Variants in CACNA2D3 observed in about 807,000 individuals in gnomAD.
The protein encoded by CACNA2D3 is calcium voltage-gated channel auxiliary subunit alpha2delta 3.
In CACNA2D3, 60 loss-of-function variants were observed where a neutral mutation model predicts 160.6. The observed-to-expected ratio is 0.37, with a 90% confidence interval of 0.30 to 0.46. The LOEUF is 0.46. CACNA2D3 is among the 20% of genes least tolerant of loss of function. CACNA2D3 has a pLI of 1.00. For synonymous variants in CACNA2D3, 558 were observed against 492.9 expected, an observed-to-expected ratio of 1.13 and a Z score of -1.75; for missense variants, 1,205 against 1,365.0, an observed-to-expected ratio of 0.88 and a Z score of 1.85.
chr3:54,215,090 A>G (rs1701437159), intron 2 of CACNA2D3, among the ~76,000 whole-genome samples: 1 of 152,198 alleles, frequency 6.6e-6, no homozygotes, highest in African/African-American at 2.4e-5. Flanking sequence ...AGTTGATGTC[A>G]GCTCCTCAGG....
chr3:54,454,137 T>C (rs1305240966), intron 4 of CACNA2D3, among the ~76,000 whole-genome samples: 1 of 152,206 alleles, frequency 6.6e-6, no homozygotes, highest in Non-Finnish European at 1.5e-5. Context: ...CAAGTAATTA[T>C]ATGTGGTAGC....
chr3:54,758,299 T>A (rs1702013180), intron 12 of CACNA2D3, among the ~76,000 whole-genome samples: 1 of 152,140 alleles, frequency 6.6e-6, no homozygotes, highest in Admixed American at 6.5e-5. Flanking sequence ...AACATGGAGT[T>A]AGAAATTAAA....
At chr3:54,886,194 C>T (rs79484052) in intron 23 of CACNA2D3, among the ~76,000 whole-genome samples, 2,739 of 85,786 alleles carry the variant, frequency 0.032, 85 homozygotes, top group African/African-American at 0.12. Flanking sequence ...GCCACTAAAA[C>T]TGATCATGAT....
intron 29 of CACNA2D3, among the ~76,000 whole-genome samples, chr3:54,970,702 T>G (rs2107073547): frequency 6.8e-6 from 1 of 147,822 alleles, no homozygotes; most frequent in Admixed American, 6.9e-5. Flanking sequence ...AAGAAGAAAC[T>G]ATGCCACTAC....
At position 54,440,447 on chromosome 3, in the gene CACNA2D3, AG is replaced by A. The variant is rs140723552; in HGVS notation, c.381+53676del. ...CCCTTTCTGAATTGCAGACTTTTCAAGGGTAGGAATGGTGTCTTCTATTTCT... is the reference window on the plus strand; with the variant it reads ...CCCTTTCTGAATTGCAGACTTTTCAAGGTAGGAATGGTGTCTTCTATTTCT... On this transcript the variant is annotated intron_variant, in intron 4 of 37. Coordinates refer to ENST00000474759, the MANE Select transcript of CACNA2D3 (RefSeq NM_018398.3). Among the ~76,000 whole-genome samples the A allele has an allele frequency of 6.7e-3, 1,019 of 152,208 alleles. 13 individuals carry two copies. The highest frequency in any genetic ancestry group is 0.023 in the African/African-American group (974 of 41,520).
intron 11 of CACNA2D3, among the ~76,000 whole-genome samples, chr3:54,673,033 CA>C (rs1431558112): frequency 2.0e-5 from 3 of 152,122 alleles, no homozygotes; most frequent in Non-Finnish European, 2.9e-5. Flanking sequence ...CTGTGTTTTA[CA>C]AGATTCTGAG....
At position 54,350,968 on chromosome 3, in the gene CACNA2D3, GTTTTTTTTTTTTTGTTTGT is replaced by G. The variant is rs1302322463; in HGVS notation, c.321+30424_321+30442del. 8.2e-4 allele frequency among the ~76,000 whole-genome samples: 46 copies of G among 56,134 alleles called. 2 individuals are homozygous for G. Among genetic ancestry groups the G allele is most frequent in the Middle Eastern group, 0.016 (1 of 64 alleles). 36.8% of individuals were successfully genotyped at this position (56,134 alleles called of 152,430 possible). On this transcript the variant is annotated intron_variant, in intron 3 of 37. Coordinates refer to ENST00000474759, the MANE Select transcript of CACNA2D3 (RefSeq NM_018398.3). ...GCTTGGATTTTGAGATCTTGAGTCT[GTTTTTTTTTTTTTGTTTGT>G]TTTTTTTTTTTTTTTTTTTGAGACA...
At chr3:54,605,654 G>A (rs1698592246) in intron 9 of CACNA2D3, among the ~76,000 whole-genome samples, 1 of 151,618 alleles carries the variant, frequency 6.6e-6, no homozygotes. Flanking sequence ...CCCCATTATT[G>A]CCCCCACCCA....
chr3:54,406,932 A>G (rs1290251041), intron 4 of CACNA2D3, among the ~76,000 whole-genome samples: 1 of 152,162 alleles, frequency 6.6e-6, no homozygotes, highest in African/African-American at 2.4e-5. Flanking sequence ...AATATATGCA[A>G]TAACATTTAT....
chr3:54,166,499 C>G (rs1282189622), intron 2 of CACNA2D3, among the ~76,000 whole-genome samples: 1 of 152,190 alleles, frequency 6.6e-6, no homozygotes, highest in Non-Finnish European at 1.5e-5. Flanking sequence ...TTTCAAGATA[C>G]AGGAGTTTGT....
At chr3:54,861,068 G>A (rs1699281501) in intron 17 of CACNA2D3, among the ~76,000 whole-genome samples, 1 of 152,148 alleles carries the variant, frequency 6.6e-6, no homozygotes, top group African/African-American at 2.4e-5. Context: ...ATGTGGTCCG[G>A]TGGTGAACCT....
intron 35 of CACNA2D3, among the ~76,000 whole-genome samples, chr3:55,050,179 A>T (rs1389519150): frequency 6.7e-6 from 1 of 148,814 alleles, no homozygotes; most frequent in African/African-American, 2.5e-5. Context: ...TCATTAGTTG[A>T]TGCAGTTTCT....
intron 13 of CACNA2D3, among the ~76,000 whole-genome samples, chr3:54,806,654 A>G (rs1376957960): frequency 6.6e-6 from 1 of 152,228 alleles, no homozygotes; most frequent in Non-Finnish European, 1.5e-5. Context: ...ATTCAATGCC[A>G]TCCCCATCAA....
chr3:54,291,211 C>G lies in CACNA2D3; in HGVS notation c.205-29231C>G, dbSNP rs1703194770. 2.0e-5 allele frequency among the ~76,000 whole-genome samples: 3 copies of G among 152,106 alleles called. No homozygotes were observed. In the South Asian group the frequency reaches 6.2e-4, roughly 32 times the overall value. ...TGCTTATGTCAGTTTCCTACTTTAC[C>G]TATCATGAACATATATTACTTGTTT... On this transcript the variant is annotated intron_variant, in intron 2 of 37. Transcript: ENST00000474759.
chr3:54,935,449 C>G (rs1053833047), intron 27 of CACNA2D3, among the ~76,000 whole-genome samples: 1 of 152,192 alleles, frequency 6.6e-6, no homozygotes, highest in Non-Finnish European at 1.5e-5. Flanking sequence ...TGCTAGTTGA[C>G]ATAAAGTTAA....
rs554851240 is a variant in CACNA2D3, at chr3:54,149,883, G to GTCTCTCTCTCTC, written c.204+26326_204+26337dup. 8.7e-4 allele frequency among the ~76,000 whole-genome samples: 53 copies of GTCTCTCTCTCTC among 60,760 alleles called. 4 individuals are homozygous for GTCTCTCTCTCTC. Among genetic ancestry groups the GTCTCTCTCTCTC allele is most frequent in the Non-Finnish European group, 1.1e-3 (37 of 32,810 alleles). The allele number at this position is 60,760 out of a possible 152,430, so 39.9% of individuals were successfully genotyped here. On this transcript the variant is annotated intron_variant, in intron 2 of 37. Coordinates refer to ENST00000474759, the MANE Select transcript of CACNA2D3 (RefSeq NM_018398.3). The stretch of plus-strand genomic sequence containing the variant: ...CAGAGAGGGCTGTCCTGAAGTATCT[G>GTCTCTCTCTCTC]TCTCTCTCTCTCTCTCTCTCTCTCT...
chr3:54,928,311 G>A (rs1463493895), intron 27 of CACNA2D3, among the ~76,000 whole-genome samples: 1 of 152,128 alleles, frequency 6.6e-6, no homozygotes, highest in Admixed American at 6.5e-5. Context: ...TATTTAATCT[G>A]CTTGAAGTAC....
intron 27 of CACNA2D3, among the ~76,000 whole-genome samples, chr3:54,902,964 C>T (rs1225080546): frequency 6.6e-6 from 1 of 152,170 alleles, no homozygotes; most frequent in Non-Finnish European, 1.5e-5. Flanking sequence ...TCTGCTTTTG[C>T]CAGGCACTCT....
At chr3:54,983,171 T>C (rs1702543535) in intron 29 of CACNA2D3, among the ~76,000 whole-genome samples, 1 of 152,214 alleles carries the variant, frequency 6.6e-6, no homozygotes, top group African/African-American at 2.4e-5. Context: ...ACTAGTATAA[T>C]CTAAGACATT....
Sources: allele counts gnomAD v4.1 joint callset (sites outside exome capture counted in the v4.1 genomes callset), GRCh38; gene constraint gnomAD v4.1.1; transcripts MANE v1.5; gene names NCBI Gene and HGNC (gene_info 2026-07-23, HGNC 2026-07-21).